PROK2: variants seen among roughly 807,000 people sequenced by gnomAD.
PROK2 encodes prokineticin 2.
In PROK2, 8 loss-of-function variants were observed where a neutral mutation model predicts 14.2. That is an observed-to-expected ratio of 0.56 (90% confidence interval 0.33 to 1.02). The LOEUF is 1.02. PROK2 is among the 50% of genes least tolerant of loss of function. The pLI, the probability that PROK2 is intolerant of heterozygous loss-of-function variation, is 0.03. For missense variants in PROK2, 154 were observed against 160.4 expected (o/e 0.96, Z 0.22); for synonymous variants, 59 against 60.7 (o/e 0.97, Z 0.13).
intron 2 of PROK2, among the ~76,000 whole-genome samples, chr3:71,776,743 A>C (rs956854679): frequency 2.0e-5 from 3 of 152,016 alleles, no homozygotes; most frequent in Non-Finnish European, 4.4e-5. Flanking sequence ...TGGCCCACTC[A>C]CTTCTAGATC....
intron 1 of PROK2, 81 bp from the exon 2 acceptor site, chr3:71,781,673 GC>G (rs2050161681): frequency 2.1e-6 from 3 of 1,443,466 alleles, no homozygotes; most frequent in Non-Finnish European, 2.9e-6. Context: ...GCAGTGAAAT[GC>G]CCTTTAAATA....
Position 71,781,532 on chromosome 3 carries a change from T to C in PROK2, c.157A>G (p.Lys53Glu), listed in dbSNP as rs750044343. ...GMCCAVSIWVKSIRICTPMGK... is the reference protein window; with the variant it reads ...GMCCAVSIWVESIRICTPMGK... ...ATAGGTGTGCAAATCCTTATGCTCT[T>C]GACCCAGATACTGACAGCACAGCAC... Residue 53 changes from lysine to glutamate, a missense_variant, in exon 2 of 4, where the codon AAG becomes GAG. Coordinates refer to ENST00000295619, the MANE Select transcript of PROK2 (RefSeq NM_001126128.2). 6.2e-7 allele frequency: 1 copy of C among 1,613,444 alleles called. No homozygotes were observed. Among genetic ancestry groups the C allele is most frequent in the Non-Finnish European group, 8.5e-7 (1 of 1,179,382 alleles).
intron 2 of PROK2, among the ~76,000 whole-genome samples, chr3:71,778,763 C>T (rs1280176326): frequency 1.3e-5 from 2 of 152,214 alleles, no homozygotes; most frequent in East Asian, 1.9e-4. Context: ...TCTTTTTCTA[C>T]AATAGGTAAA....
intron 2 of PROK2, among the ~76,000 whole-genome samples, chr3:71,778,114 G>A (rs927830797): frequency 5.9e-5 from 9 of 151,876 alleles, no homozygotes; most frequent in East Asian, 3.9e-4. Flanking sequence ...GGAGAATGGC[G>A]TGAACCCGGG....
chr3:71,779,764 G>A (rs1655419765), intron 2 of PROK2, among the ~76,000 whole-genome samples: 1 of 151,876 alleles, frequency 6.6e-6, no homozygotes, highest in South Asian at 2.1e-4. Context: ...GTGCCACCAT[G>A]CCCAGCTAAT....
At chr3:71,781,309 AG>A (rs2050158470) in intron 2 of PROK2, among the ~76,000 whole-genome samples, 157 bp downstream of exon 2, 1 of 152,232 alleles carries the variant, frequency 6.6e-6, no homozygotes, top group African/African-American at 2.4e-5. Context: ...TTGAAATGAA[AG>A]GGGAGAGGAG....
chr3:71,783,907 C>G (rs2050189833), intron 1 of PROK2, among the ~76,000 whole-genome samples: 1 of 152,052 alleles, frequency 6.6e-6, no homozygotes, highest in South Asian at 2.1e-4. Flanking sequence ...TTCTATAAAC[C>G]TAATAACTAA....
chr3:71,773,193 G>A lies in PROK2; in HGVS notation c.286-365C>T, dbSNP rs146798948. Among the ~76,000 whole-genome samples, 618 of 152,176 alleles carry A rather than the reference G, an allele frequency of 4.1e-3. 6 individuals carry two copies. The highest frequency in any genetic ancestry group is 0.014 in the African/African-American group (592 of 41,520). On this transcript the variant is annotated intron_variant, in intron 3 of 3. Coordinates refer to ENST00000295619, the MANE Select transcript of PROK2 (RefSeq NM_001126128.2). ...CAGGGTTTCACCTTGTTGGCCAGGCGGGTCTCGAACTACCAACCTCAAGCG... is the reference window on the plus strand; with the variant it reads ...CAGGGTTTCACCTTGTTGGCCAGGCAGGTCTCGAACTACCAACCTCAAGCG...
At chr3:71,781,663 G>T in intron 1 of PROK2, 71 bp from the exon 2 acceptor site, 2 of 1,477,840 alleles carry the variant, frequency 1.4e-6, no homozygotes, top group Non-Finnish European at 1.9e-6. Flanking sequence ...CCTAAAATTA[G>T]CAGTGAAATG....
Position 71,782,480 on chromosome 3 carries a change from A to T in PROK2, c.97-888T>A, listed in dbSNP as rs114219564. Among the ~76,000 whole-genome samples, 438 of 152,362 alleles carry T rather than the reference A, an allele frequency of 2.9e-3. 1 individual carries two copies. The highest frequency in any genetic ancestry group is 9.4e-3 in the African/African-American group (392 of 41,586). ...GAATTTCCATACTCTAGTAAATAGA[A>T]ATAAATAATAAAATCTAAATCTATT... On this transcript the variant is annotated intron_variant, in intron 1 of 3. Coordinates refer to ENST00000295619, the MANE Select transcript of PROK2 (RefSeq NM_001126128.2).
At chr3:71,781,263 T>G (rs910629756) in intron 2 of PROK2, among the ~76,000 whole-genome samples, 1 of 152,218 alleles carries the variant, frequency 6.6e-6, no homozygotes, top group Admixed American at 6.5e-5. Context: ...ACATGAAAAC[T>G]ATCACTGGAA....
At chr3:71,775,468 T>C (rs1233462130) in intron 2 of PROK2, among the ~76,000 whole-genome samples, 1 of 152,158 alleles carries the variant, frequency 6.6e-6, no homozygotes. Context: ...GACACTATGA[T>C]CATTCTCTGG....
At position 71,779,002 on chromosome 3, in the gene PROK2, C is replaced by T. The variant is rs1367350621; in HGVS notation, c.222+2465G>A. ...CCAAAGAGATGTAGCCAGGCTTATG[C>T]AAGAAGACTGCATTTGTTTACTTTC... is the stretch of plus-strand genomic sequence containing the variant. On this transcript the variant is annotated intron_variant, in intron 2 of 3. Transcript: ENST00000295619. Among the ~76,000 whole-genome samples, 4 of 152,328 alleles carry T rather than the reference C, an allele frequency of 2.6e-5. No individual in the cohort carries two copies. The East Asian group carries it at 5.8e-4, about 22-fold the overall frequency.
At position 71,774,454 on chromosome 3, in the gene PROK2, C is replaced by CT; in HGVS notation, c.275_276insA (p.Lys93GlufsTer29). 6.4e-7 allele frequency: 1 copy of CT among 1,551,158 alleles called. No homozygotes were observed. Among genetic ancestry groups the CT allele is most frequent in the South Asian group, 1.2e-5 (1 of 83,960 alleles). ...TTCGCATTCTTCTTACCTCCTTTTT[C>CT]CTTTTGCTTCTCTTCCTCTTTCTTC... On this transcript the variant is annotated frameshift_variant, in exon 3 of 4. Transcript: ENST00000295619. LOFTEE classifies it high-confidence loss of function.
chr3:71,774,539 TA>T (rs1241202373), intron 2 of PROK2, 32 bp from the exon 3 acceptor site: 2 of 1,547,190 alleles, frequency 1.3e-6, no homozygotes, highest in African/African-American at 2.8e-5. Context: ...TTGAGATCAA[TA>T]AATACAAAGG....
chr3:71,784,852 AC>A, intron 1 of PROK2, 104 bp downstream of exon 1: 4 of 1,007,686 alleles, frequency 4.0e-6, no homozygotes, highest in Non-Finnish European at 5.1e-6. Flanking sequence ...GCCCAGGGCG[AC>A]CCTCCCTTTG....
chr3:71,779,504 A>C (rs2050145303), intron 2 of PROK2, among the ~76,000 whole-genome samples: 1 of 152,250 alleles, frequency 6.6e-6, no homozygotes, highest in South Asian at 2.1e-4. Context: ...ACACAAACAT[A>C]GTTCCATGGG....
At position 71,785,125 on chromosome 3, in the gene PROK2, G is replaced by A. The variant is rs1277793763; in HGVS notation, c.-73C>T. The A allele has an allele frequency of 3.8e-6, 4 of 1,040,380 alleles. No homozygotes were observed. Among genetic ancestry groups the A allele is most frequent in the Non-Finnish European group, 4.9e-6 (4 of 819,696 alleles). 64.4% of individuals were successfully genotyped at this position (1,040,380 alleles called of 1,614,324 possible). A position where few individuals can be genotyped will look rare whatever the true frequency, so the allele number is the denominator to read the frequency against. On this transcript the variant is annotated 5_prime_UTR_variant, in exon 1 of 4. Transcript: ENST00000295619. ...GCCCGGGTGCGCTGGGTGGAGCGCG[G>A]AGCGGCGGGCGGACGGGCGCGGCGG...
In PROK2 at chr3:71,784,976, T is replaced by A. The variant is rs2050201233; in HGVS notation, c.77A>T (p.Asp26Val). ...PPLLLTPRAG[D>V]AAVITGACDK... ...GCTTACCCCGGTGATCACGGCGGCGTCCCCAGCGCGGGGCGTGAGCAGCAG... is the reference window on the plus strand; with the variant it reads ...GCTTACCCCGGTGATCACGGCGGCGACCCCAGCGCGGGGCGTGAGCAGCAG... Residue 26 changes from aspartate to valine, a missense_variant, in exon 1 of 4, where the codon GAC becomes GTC. Transcript: ENST00000295619. 1 of 1,248,728 alleles carries A rather than the reference T, an allele frequency of 8.0e-7. No individual in the cohort carries two copies. Among genetic ancestry groups the A allele is most frequent in the African/African-American group, 1.6e-5 (1 of 64,456 alleles). 77.4% of individuals were successfully genotyped at this position (1,248,728 alleles called of 1,614,324 possible). A position where few individuals can be genotyped will look rare whatever the true frequency, so the allele number is the denominator to read the frequency against.
Sources: gnomAD v4.1 joint callset for allele counts (sites outside exome capture counted in the v4.1 genomes callset) on GRCh38, gnomAD v4.1.1 for gene constraint, MANE v1.5 for transcripts, NCBI Gene and HGNC (gene_info 2026-07-23, HGNC 2026-07-21) for gene names.